Variants in GDF1 observed in about 807,000 individuals in gnomAD.
GDF1 encodes the protein growth differentiation factor 1.
A neutral mutation model predicts 7.4 loss-of-function variants in GDF1; 8 were observed. The ratio of observed to expected loss-of-function variants is 1.09; its 90% CI spans 0.64 to 1.96. The LOEUF (loss-of-function observed/expected upper bound fraction) is 1.96, where lower values mean the gene tolerates loss of function less well. Among genes scored for constraint, GDF1 ranks in the 30% most tolerant of loss-of-function variants. The pLI is 0.00. For missense variants in GDF1, 574 were observed against 551.5 expected (o/e 1.04, Z -0.41); for synonymous variants, 311 against 276.7 (o/e 1.12, Z -1.23).
In GDF1 at chr19:18,878,487, C is replaced by G; in HGVS notation, c.-313+443G>C. 1 of 996,628 alleles carries G rather than the reference C, an allele frequency of 1.0e-6. No individual in the cohort carries two copies. The highest frequency in any genetic ancestry group is 1.2e-6 in the Non-Finnish European group (1 of 836,190). The allele number at this position is 996,628 out of a possible 1,614,324, so 61.7% of individuals were successfully genotyped here. ...ACTCAGAGGCCAGGATGTCTCGGCC[C>G]AGATGGAGCCTGGGTTCTCTCTGTG... On this transcript the variant is annotated intron_variant, in intron 6 of 7. Coordinates refer to ENST00000247005, the MANE Select transcript of GDF1 (RefSeq NM_001492.6). The surrounding 1 kb of genome is among the most constrained non-coding windows in gnomAD (Gnocchi z 4.6).
At position 18,880,258 on chromosome 19, in the gene GDF1, A is replaced by G; in HGVS notation, c.-571+16T>C. On this transcript the variant is annotated intron_variant, in intron 4 of 7. Coordinates refer to ENST00000247005, the MANE Select transcript of GDF1 (RefSeq NM_001492.6). ...GGCCACACCTCCCTCCCTGCCCAGC[A>G]CTCCCTACCACTCACCAGCTGAAGC... 1 of 1,535,132 alleles carries G rather than the reference A, an allele frequency of 6.5e-7. No homozygotes were observed. Among genetic ancestry groups the G allele is most frequent in the Non-Finnish European group, 8.8e-7 (1 of 1,137,592 alleles).
intron 2 of GDF1, among the ~76,000 whole-genome samples, chr19:18,889,388 G>C (rs996183519): frequency 6.6e-6 from 1 of 152,036 alleles, no homozygotes; most frequent in Non-Finnish European, 1.5e-5. Context: ...TAGGGGGGAA[G>C]TCCTGGCTTA....
At chr19:18,893,285 G>T in intron 2 of GDF1, 131 bp downstream of exon 2, 1 of 986,892 alleles carries the variant, frequency 1.0e-6, no homozygotes, top group Non-Finnish European at 1.5e-6. Context: ...CGTGCTCATA[G>T]CTCCCCTTGG....
Position 18,870,035 on chromosome 19 carries a change from G to A in GDF1, c.273C>T (p.His91=). Residue 91 remains histidine, a synonymous_variant, in exon 7 of 8, where the codon CAC becomes CAT. Coordinates refer to ENST00000247005, the MANE Select transcript of GDF1 (RefSeq NM_001492.6). The surrounding 1 kb of genome is among the most constrained non-coding windows in gnomAD (Gnocchi z 5.1). ...TSPGVTLQPC[H]VEELGVAGNI... is the part of the protein sequence containing the mutation. Reference sequence around the variant, plus strand: ...TTCCGGCGACCCCCAGCTCCTCCACGTGGCACGGTTGCAGGGTGACCCCTG... The same window carrying A: ...TTCCGGCGACCCCCAGCTCCTCCACATGGCACGGTTGCAGGGTGACCCCTG... 6.3e-7 allele frequency: 1 copy of A among 1,597,162 alleles called. No homozygotes were observed. Among genetic ancestry groups the A allele is most frequent in the Non-Finnish European group, 8.5e-7 (1 of 1,174,560 alleles).
chr19:18,873,755 C>T (rs2056015265), intron 6 of GDF1, among the ~76,000 whole-genome samples: 1 of 151,278 alleles, frequency 6.6e-6, no homozygotes, highest in African/African-American at 2.4e-5. Context: ...GCAGGAGAAT[C>T]GCTTGAACCT....
At chr19:18,869,488 G>C (rs1017324676) in intron 7 of GDF1, 98 bp from the exon 8 acceptor site, 34 of 1,432,290 alleles carry the variant, frequency 2.4e-5, no homozygotes, top group Middle Eastern at 2.5e-4. Flanking sequence ...GCTGGGGCTC[G>C]GGGCGCACCG....
rs367780894 is a variant in GDF1 at position 18,878,915 on chromosome 19, C to A, written c.-313+15G>T. On this transcript the variant is annotated intron_variant, in intron 6 of 7. Coordinates refer to ENST00000247005, the MANE Select transcript of GDF1 (RefSeq NM_001492.6). The surrounding 1 kb of genome is among the most constrained non-coding windows in gnomAD (Gnocchi z 4.6). ...TAAAGGAGGGAACGCGGGGTGCGGGCCCCTCCACACTCACTCGGCTTTGCT... is the reference window on the plus strand; with the variant it reads ...TAAAGGAGGGAACGCGGGGTGCGGGACCCTCCACACTCACTCGGCTTTGCT... The A allele has an allele frequency of 6.2e-7, 1 of 1,612,734 alleles. No individual in the cohort carries two copies. The highest frequency in any genetic ancestry group is 1.3e-5 in the African/African-American group (1 of 74,920).
intron 6 of GDF1, among the ~76,000 whole-genome samples, chr19:18,873,687 CAACT>C: frequency 6.6e-6 from 1 of 151,826 alleles, no homozygotes; most frequent in East Asian, 1.9e-4. Flanking sequence ...AAAAAAAATA[CAACT>C]ATTAGCCAGG....
intron 3 of GDF1, among the ~76,000 whole-genome samples, chr19:18,883,842 G>C (rs2056277484): frequency 1.3e-5 from 2 of 152,112 alleles, no homozygotes; most frequent in Admixed American, 1.3e-4. Context: ...ATGGCTCTCT[G>C]GGCCTGTTTC....
intron 2 of GDF1, among the ~76,000 whole-genome samples, chr19:18,887,214 A>G (rs1278123203): frequency 1.3e-5 from 2 of 152,248 alleles, no homozygotes; most frequent in African/African-American, 4.8e-5. Context: ...ATGTGGGTGA[A>G]CCCCAAAAAC....
chr19:18,888,519 TAAA>T (rs781426705), intron 2 of GDF1, among the ~76,000 whole-genome samples: 3 of 59,042 alleles, frequency 5.1e-5, no homozygotes, highest in Non-Finnish European at 3.0e-5. Context: ...CCCTGTCTCT[TAAA>T]AAAAAAAAAA....
intron 2 of GDF1, among the ~76,000 whole-genome samples, chr19:18,885,012 G>A (rs1009780549): frequency 2.0e-5 from 3 of 151,214 alleles, no homozygotes; most frequent in East Asian, 2.0e-4. Context: ...CACCGTGCCC[G>A]GCCAGCAGGG....
chr19:18,888,035 C>A (rs7408483), intron 2 of GDF1, among the ~76,000 whole-genome samples: 43,966 of 152,026 alleles, frequency 0.29, 7,954 homozygotes, highest in Middle Eastern at 0.47. Context: ...GGCTAAAATG[C>A]CTAATTTCAA....
At chr19:18,890,902 T>C (rs1307753813) in intron 2 of GDF1, among the ~76,000 whole-genome samples, 4 of 149,780 alleles carry the variant, frequency 2.7e-5, no homozygotes, top group Non-Finnish European at 5.9e-5. Flanking sequence ...GGCGGGCGGA[T>C]CACCTGAGGT....
In GDF1 at chr19:18,881,515, C is replaced by T. The variant is rs532898590; in HGVS notation, c.-732-1080G>A. Among the ~76,000 whole-genome samples the T allele has an allele frequency of 9.9e-5, 15 of 151,704 alleles. 1 individual carries two copies. In the South Asian group the frequency reaches 1.9e-3, roughly 19 times the overall value. On this transcript the variant is annotated intron_variant, in intron 3 of 7. Transcript: ENST00000247005. ...GATTACAGGTGTGAGCCACCGTGCC[C>T]GGCCCCATTAGGATCTTAATAAGCC...
chr19:18,885,814 C>T (rs960019241), intron 2 of GDF1, among the ~76,000 whole-genome samples: 2 of 152,112 alleles, frequency 1.3e-5, no homozygotes, highest in Non-Finnish European at 2.9e-5. Context: ...CCGCTGCGCC[C>T]GGCCTCTTCC....
chr19:18,895,646 A>G lies in GDF1; in HGVS notation c.-1074+178T>C, dbSNP rs146100393. On this transcript the variant is annotated intron_variant, in intron 1 of 7. Coordinates refer to ENST00000247005, the MANE Select transcript of GDF1 (RefSeq NM_001492.6). This position sits in a 1 kb window ranked among gnomAD's most constrained non-coding sequence, Gnocchi z 6.4. ...GGCGCGCGGCGGCCCGAGAGACCTT[A>G]TCCTGGGGCTCCAACGTCCTGGGCC... 0.032 allele frequency among the ~76,000 whole-genome samples: 4,827 copies of G among 150,890 alleles called. 105 individuals carry two copies. The highest frequency in any genetic ancestry group is 0.041 in the Non-Finnish European group (2,742 of 67,656).
rs1210737907 is a variant in GDF1, at chr19:18,895,970, G to GCGA, written c.-1221_-1220insTCG. On this transcript the variant is annotated 5_prime_UTR_variant, in exon 1 of 8. Transcript: ENST00000247005. This position sits in a 1 kb window ranked among gnomAD's most constrained non-coding sequence, Gnocchi z 6.4. Reference sequence around the variant, plus strand: ...CCCCAGCCGCAGTCCGTGCAGCCCCGCGCCGCCGCCAGCGCGCTGCCCCAG... The same window carrying GCGA: ...CCCCAGCCGCAGTCCGTGCAGCCCCGCGACGCCGCCGCCAGCGCGCTGCCCCAG... The GCGA allele has an allele frequency of 7.5e-6, 8 of 1,065,132 alleles. No homozygotes were observed. The highest frequency in any genetic ancestry group is 9.1e-6 in the Non-Finnish European group (8 of 881,334). 66.0% of individuals were successfully genotyped at this position (1,065,132 alleles called of 1,614,324 possible).
chr19:18,885,966 G>T (rs903740642), intron 2 of GDF1, among the ~76,000 whole-genome samples: 1 of 152,220 alleles, frequency 6.6e-6, no homozygotes, highest in South Asian at 2.1e-4. Context: ...CGCCAAGCGG[G>T]TCCTGCCTCA....
Sources: gnomAD v4.1 joint callset for allele counts (sites outside exome capture counted in the v4.1 genomes callset) on GRCh38, gnomAD v4.1.1 for gene constraint, Gnocchi (gnomAD v3.1) non-coding constraint, MANE v1.5 for transcripts, NCBI Gene and HGNC (gene_info 2026-07-23, HGNC 2026-07-21) for gene names.